BRD3: variants seen among roughly 807,000 people sequenced by gnomAD.
The protein encoded by BRD3 is bromodomain-containing protein 3.
Under a neutral mutation model 66.8 loss-of-function variants are expected in BRD3, and 17 were observed. That is an observed-to-expected ratio of 0.25 (90% confidence interval 0.17 to 0.38). The LOEUF is 0.38. BRD3 is among the 10% of genes least tolerant of loss of function. BRD3 has a pLI of 1.00. For missense variants in BRD3, 713 were observed against 956.1 expected, an observed-to-expected ratio of 0.75 and a Z score of 3.35; for synonymous variants, 421 against 393.2, an observed-to-expected ratio of 1.07 and a Z score of -0.84.
chr9:134,030,508 A>G lies in BRD3; in HGVS notation c.*3082T>C, dbSNP rs1843496403. 1 of 206,328 alleles carries G rather than the reference A, an allele frequency of 4.8e-6. No homozygotes were observed. Among genetic ancestry groups the G allele is most frequent in the Non-Finnish European group, 9.9e-6 (1 of 101,206 alleles). 12.8% of individuals were successfully genotyped at this position (206,328 alleles called of 1,614,324 possible). ...TGACATTTACAGGAATATACTAGAAACGGCACTAAAAAGTTTAAGAAAAGT... is the reference window on the plus strand; with the variant it reads ...TGACATTTACAGGAATATACTAGAAGCGGCACTAAAAAGTTTAAGAAAAGT... On this transcript the variant is annotated 3_prime_UTR_variant, in exon 12 of 12. Coordinates refer to ENST00000303407, the MANE Select transcript of BRD3 (RefSeq NM_007371.4).
rs1462235135 is a variant in BRD3, at chr9:134,034,172, C to T, written c.2066-467G>A. On this transcript the variant is annotated intron_variant, in intron 11 of 11. Coordinates refer to ENST00000303407, the MANE Select transcript of BRD3 (RefSeq NM_007371.4). ...ATGCTCCAGTCCAGATAGGACCCTA[C>T]TGTCCCCCCCATATGTGTGTCCTGG... is the stretch of plus-strand genomic sequence containing the variant. 2.0e-5 allele frequency among the ~76,000 whole-genome samples: 3 copies of T among 152,368 alleles called. No homozygotes were observed. The East Asian group carries it at 5.8e-4, about 29-fold the overall frequency.
rs1220860509 is a variant in BRD3 at position 134,048,078 on chromosome 9, C to T, written c.1086+5G>A. ...CAGAGCAGGGCCTGCCGCGCGGCCA[C>T]GTACTTTCACGGTGCTGAGGTCCAT... is the stretch of plus-strand genomic sequence containing the variant. On this transcript the variant is annotated splice_donor_5th_base_variant and intron_variant, in intron 6 of 11. Transcript: ENST00000303407. The T allele has an allele frequency of 1.3e-6, 2 of 1,557,330 alleles. No individual in the cohort carries two copies. Among genetic ancestry groups the T allele is most frequent in the South Asian group, 1.2e-5 (1 of 82,336 alleles).
chr9:134,059,714 G>A (rs1830498717), intron 1 of BRD3, among the ~76,000 whole-genome samples: 1 of 152,314 alleles, frequency 6.6e-6, no homozygotes, highest in South Asian at 2.1e-4. Flanking sequence ...GTACAGTGCA[G>A]GAAGAACTCA....
chr9:134,061,005 T>C (rs1325285544), intron 1 of BRD3, among the ~76,000 whole-genome samples: 1 of 152,212 alleles, frequency 6.6e-6, no homozygotes, highest in Non-Finnish European at 1.5e-5. Context: ...TTCAGGGCTG[T>C]GGACAAACAG....
intron 7 of BRD3, among the ~76,000 whole-genome samples, chr9:134,043,791 G>A (rs146031758): frequency 6.6e-6 from 1 of 152,338 alleles, no homozygotes; most frequent in African/African-American, 2.4e-5. Flanking sequence ...CCCGGGCTCA[G>A]GTGATCCTCC....
intron 6 of BRD3, among the ~76,000 whole-genome samples, chr9:134,047,683 C>T (rs1340348814): frequency 6.6e-6 from 1 of 152,224 alleles, no homozygotes; most frequent in African/African-American, 2.4e-5. Flanking sequence ...CTGGCCGCCT[C>T]ACTCCTGTCT....
At position 134,040,075 on chromosome 9, in the gene BRD3, C is replaced by T. The variant is rs760151802; in HGVS notation, c.1602G>A (p.Lys534=). 1 of 1,592,234 alleles carries T rather than the reference C, an allele frequency of 6.3e-7. No individual in the cohort carries two copies. Among genetic ancestry groups the T allele is most frequent in the Non-Finnish European group, 8.5e-7 (1 of 1,170,600 alleles). Residue 534 remains lysine (K), a synonymous_variant, in exon 9 of 12, where the codon AAG becomes AAA. Coordinates refer to ENST00000303407, the MANE Select transcript of BRD3 (RefSeq NM_007371.4). ...TGCTGTTGGCCTTCTTGGCAGGAGC[C>T]TTCTTCTGCTGAGCCTGCTTGGCAG... The part of the protein sequence containing the change: ...APPAKQAQQK[K]APAKKANSTT...
intron 1 of BRD3, among the ~76,000 whole-genome samples, chr9:134,064,767 G>A (rs986998891): frequency 6.6e-6 from 1 of 152,222 alleles, no homozygotes; most frequent in African/African-American, 2.4e-5. Context: ...CCAGGAACCA[G>A]AGCAGGGAGG....
In BRD3 at chr9:134,030,751, A is replaced by G. The variant is rs1404673384; in HGVS notation, c.*2839T>C. 2.2e-5 allele frequency: 5 copies of G among 232,024 alleles called. No individual in the cohort carries two copies. 14.4% of individuals were successfully genotyped at this position (232,024 alleles called of 1,614,324 possible). Reference sequence around the variant, plus strand: ...AAACACACAAAAAAATGTGTCTTACAGTTTGTAAGCAAGATGACACTGCCC... The same window carrying G: ...AAACACACAAAAAAATGTGTCTTACGGTTTGTAAGCAAGATGACACTGCCC... On this transcript the variant is annotated 3_prime_UTR_variant, in exon 12 of 12. Transcript: ENST00000303407.
chr9:134,068,054 T>C (rs1194812988), upstream of BRD3: 1 of 142,972 alleles, frequency 7.0e-6, no homozygotes, highest in East Asian at 2.1e-4. Flanking sequence ...GCAGGGCTCA[T>C]GCGCTGCGCC....
rs7868095 is a variant in BRD3 at position 134,046,273 on chromosome 9, T to C, written c.1087-852A>G. Reference sequence around the variant, plus strand: ...TTCAAGGTGGCCACTGGGAACACACTAGTTGGGGCAAAGAGAGGTCACGCT... The same window carrying C: ...TTCAAGGTGGCCACTGGGAACACACCAGTTGGGGCAAAGAGAGGTCACGCT... On this transcript the variant is annotated intron_variant, in intron 6 of 11. Transcript: ENST00000303407. Among the ~76,000 whole-genome samples, 1,362 of 152,172 alleles carry C rather than the reference T, an allele frequency of 9.0e-3. 26 individuals carry two copies. Among genetic ancestry groups the C allele is most frequent in the African/African-American group, 0.031 (1,276 of 41,520 alleles).
intron 1 of BRD3, among the ~76,000 whole-genome samples, chr9:134,065,719 GC>G (rs1483394894): frequency 6.6e-6 from 1 of 152,158 alleles, no homozygotes; most frequent in Non-Finnish European, 1.5e-5. Flanking sequence ...TTGGTTTTGT[GC>G]CAATCACCCC....
intron 10 of BRD3, among the ~76,000 whole-genome samples, chr9:134,035,197 C>T (rs1199299614): frequency 2.0e-5 from 3 of 152,206 alleles, no homozygotes; most frequent in Non-Finnish European, 4.4e-5. Flanking sequence ...TCACCAGGGC[C>T]GCTGCTCTCC....
rs528939189 is a variant in BRD3 at position 134,048,577 on chromosome 9, G to A, written c.715-123C>T. The A allele has an allele frequency of 5.9e-5, 85 of 1,431,782 alleles. 1 individual carries two copies. In the South Asian group the frequency reaches 6.2e-4, roughly 10 times the overall value. 88.7% of individuals were successfully genotyped at this position (1,431,782 alleles called of 1,614,324 possible). ...CGCTGGGCTAAGCGGCCACATGCAC[G>A]GCCCCACAGGAGAGGACACCAAGGC... On this transcript the variant is annotated intron_variant, in intron 5 of 11. Transcript: ENST00000303407.
intron 10 of BRD3, 106 bp from the exon 11 acceptor site, chr9:134,034,935 T>C: frequency 6.6e-7 from 1 of 1,515,810 alleles, no homozygotes; most frequent in African/African-American, 1.4e-5. Flanking sequence ...CTGGCATCCA[T>C]GCCAGCTGCC....
At chr9:134,059,966 C>T (rs765844410) in intron 1 of BRD3, among the ~76,000 whole-genome samples, 2 of 152,206 alleles carry the variant, frequency 1.3e-5, no homozygotes, top group Non-Finnish European at 2.9e-5. Context: ...TGTGCCACTG[C>T]TGCTCTCCCC....
chr9:134,045,840 C>A lies in BRD3; in HGVS notation c.1087-419G>T, dbSNP rs191866622. On this transcript the variant is annotated intron_variant, in intron 6 of 11. Transcript: ENST00000303407. The surrounding 1 kb of genome is among the most constrained non-coding windows in gnomAD (Gnocchi z 4.8). ...CAGCAAAGTCAGACTCCACCAACAA[C>A]AGGGGGCCTGCTCAGTCTACACAAG... is the stretch of plus-strand genomic sequence containing the variant. Among the ~76,000 whole-genome samples, 165 of 152,288 alleles carry A rather than the reference C, an allele frequency of 1.1e-3. No individual in the cohort carries two copies. The highest frequency in any genetic ancestry group is 1.7e-3 in the Non-Finnish European group (116 of 68,014).
chr9:134,055,215 G>A (rs894365752), intron 1 of BRD3, among the ~76,000 whole-genome samples: 2 of 152,194 alleles, frequency 1.3e-5, no homozygotes, highest in Non-Finnish European at 2.9e-5. Context: ...CGCAAGGACC[G>A]CCTAGCCCGC....
chr9:134,063,656 G>A (rs780749236), intron 1 of BRD3, among the ~76,000 whole-genome samples: 4 of 152,070 alleles, frequency 2.6e-5, no homozygotes, highest in Admixed American at 6.6e-5. Context: ...AGGCCGTCCC[G>A]CCCCAGAGTC....
Sources: gnomAD v4.1 joint callset for allele counts (sites outside exome capture counted in the v4.1 genomes callset) on GRCh38, gnomAD v4.1.1 for gene constraint, Gnocchi (gnomAD v3.1) non-coding constraint, MANE v1.5 for transcripts, NCBI Gene and HGNC (gene_info 2026-07-23, HGNC 2026-07-21) for gene names.